The following RGS7 variants were observed in gnomAD, a reference collection of about 807,000 sequenced individuals.
RGS7 encodes regulator of G-protein signaling 7.
Under a neutral mutation model 81.1 loss-of-function variants are expected in RGS7, and 27 were observed. The ratio of observed to expected loss-of-function variants is 0.33; its 90% CI spans 0.25 to 0.46. The LOEUF is 0.46. Ranked by LOEUF, RGS7 falls within the 20% of genes least tolerant of loss-of-function variation. The probability of loss-of-function intolerance (pLI) is 1.00; values close to 1 mark genes in which losing one functional copy is unlikely to be tolerated. For synonymous variants in RGS7, 208 were observed against 207.7 expected, an observed-to-expected ratio of 1.00 and a Z score of -0.01; for missense variants, 396 against 607.4, an observed-to-expected ratio of 0.65 and a Z score of 3.66.
At chr1:241,045,893 G>T (rs1472301925) in intron 3 of RGS7, among the ~76,000 whole-genome samples, 1 of 152,134 alleles carries the variant, frequency 6.6e-6, no homozygotes, top group Non-Finnish European at 1.5e-5. Flanking sequence ...CTATTCAGGG[G>T]ATTCCTCTCT....
At chr1:241,007,286 G>C (rs949316896) in intron 3 of RGS7, among the ~76,000 whole-genome samples, 11 of 151,966 alleles carry the variant, frequency 7.2e-5, no homozygotes, top group African/African-American at 2.7e-4. Flanking sequence ...ACACATTATC[G>C]TAAGAACACA....
intron 2 of RGS7, among the ~76,000 whole-genome samples, chr1:241,288,629 T>C (rs1236959326): frequency 1.3e-5 from 2 of 152,166 alleles, no homozygotes; most frequent in Non-Finnish European, 1.5e-5. Flanking sequence ...AGCCCACGGT[T>C]ATCTGTCTGG....
chr1:241,224,063 A>AATAT lies in RGS7; in HGVS notation c.79-125305_79-125302dup, dbSNP rs33967533. Among the ~76,000 whole-genome samples the AATAT allele has an allele frequency of 5.3e-3, 781 of 147,030 alleles. 6 individuals are homozygous for AATAT. The highest frequency in any genetic ancestry group is 0.016 in the African/African-American group (664 of 40,348). On this transcript the variant is annotated intron_variant, in intron 2 of 18. Transcript: ENST00000440928. ...TCTAATGACTGGTTGACTGGTGACC[A>AATAT]ATATATATATATATACCATATATAT...
At chr1:241,091,500 A>G (rs992075817) in intron 3 of RGS7, among the ~76,000 whole-genome samples, 5 of 151,536 alleles carry the variant, frequency 3.3e-5, no homozygotes, top group East Asian at 3.9e-4. Flanking sequence ...GTGAGCTGAG[A>G]TCACGCCACT....
chr1:241,217,016 T>A (rs1271154226), intron 2 of RGS7, among the ~76,000 whole-genome samples: 2 of 152,230 alleles, frequency 1.3e-5, no homozygotes, highest in Non-Finnish European at 1.5e-5. Context: ...TGTTGTAGAA[T>A]GAACATTTGT....
At chr1:241,346,752 A>T (rs941758098) in intron 2 of RGS7, among the ~76,000 whole-genome samples, 2 of 152,198 alleles carry the variant, frequency 1.3e-5, no homozygotes, top group African/African-American at 4.8e-5. Flanking sequence ...ATTTTAAAGA[A>T]AACAAGTCAT....
At chr1:241,157,789 CATAA>C (rs888735104) in intron 2 of RGS7, among the ~76,000 whole-genome samples, 1 of 150,654 alleles carries the variant, frequency 6.6e-6, no homozygotes, top group African/African-American at 2.4e-5. Flanking sequence ...TTGTAGTGTC[CATAA>C]ATAAACTTTT....
intron 2 of RGS7, among the ~76,000 whole-genome samples, chr1:241,328,223 G>C (rs1222992780): frequency 6.6e-6 from 1 of 152,186 alleles, no homozygotes; most frequent in Admixed American, 6.5e-5. Context: ...TATGTGGTAA[G>C]GGATTGTATT....
At chr1:240,825,089 G>A (rs7521765) in intron 10 of RGS7, among the ~76,000 whole-genome samples, 134,341 of 152,198 alleles carry the variant, frequency 0.88, 59,553 homozygotes, top group African/African-American at 0.95. Context: ...CAGACTACAT[G>A]AAGCTTAACA....
At chr1:240,797,484 T>C (rs1182464775) in intron 18 of RGS7, among the ~76,000 whole-genome samples, 1 of 152,190 alleles carries the variant, frequency 6.6e-6, no homozygotes, top group East Asian at 1.9e-4. Context: ...CCCAAGTAGC[T>C]GGGATTACAG....
chr1:241,266,925 A>C (rs1265991106), intron 2 of RGS7, among the ~76,000 whole-genome samples: 2 of 152,230 alleles, frequency 1.3e-5, no homozygotes, highest in East Asian at 3.8e-4. Context: ...TTACAAGACC[A>C]ATCCTATAAT....
chr1:241,323,740 G>C (rs1053869581), intron 2 of RGS7, among the ~76,000 whole-genome samples: 2 of 152,188 alleles, frequency 1.3e-5, no homozygotes, highest in Non-Finnish European at 2.9e-5. Flanking sequence ...CTGAGGTTCT[G>C]ATTCCAGTCA....
intron 2 of RGS7, among the ~76,000 whole-genome samples, chr1:241,217,591 T>C (rs1174354701): frequency 6.6e-6 from 1 of 152,174 alleles, no homozygotes. Flanking sequence ...GAAAATCCAC[T>C]GTGCCAACAA....
At chr1:240,990,303 G>A (rs1277100878) in intron 3 of RGS7, among the ~76,000 whole-genome samples, 2 of 152,110 alleles carry the variant, frequency 1.3e-5, no homozygotes, top group Non-Finnish European at 2.9e-5. Flanking sequence ...AAAAAATGCA[G>A]AAAAGAGAGG....
chr1:240,787,549 TCCTC>T (rs975973960), intron 18 of RGS7, among the ~76,000 whole-genome samples: 2 of 152,162 alleles, frequency 1.3e-5, no homozygotes, highest in Admixed American at 6.5e-5. Flanking sequence ...AATTCTGTCT[TCCTC>T]CCTGTTCCTT....
rs867301096 is a variant in RGS7 at position 240,780,662 on chromosome 1, T to C, written c.*7-4449A>G. ...CGGGCGCGGTGGCTGACGCCTGTAA[T>C]CTCAGCACTTTGGGAGAGCAAGGCA... is the stretch of plus-strand genomic sequence containing the variant. On this transcript the variant is annotated intron_variant, in intron 18 of 18. Transcript: ENST00000440928. 2.6e-4 allele frequency among the ~76,000 whole-genome samples: 39 copies of C among 152,072 alleles called. No homozygotes were observed. In the Middle Eastern group the frequency reaches 0.021, roughly 80 times the overall value.
intron 18 of RGS7, among the ~76,000 whole-genome samples, chr1:240,795,308 T>C (rs1686853732): frequency 6.6e-6 from 1 of 152,062 alleles, no homozygotes; most frequent in African/African-American, 2.4e-5. Flanking sequence ...AAAAACAATA[T>C]GTTTCCCGGA....
Position 241,224,172 on chromosome 1 carries a change from G to A in RGS7, c.79-125410C>T, listed in dbSNP as rs112608850. ...GCAGTTTTGTTACATAGTTATACAC[G>A]TGCCTTGGTGGTTTGCTACACCCAT... On this transcript the variant is annotated intron_variant, in intron 2 of 18. Coordinates refer to ENST00000440928, the MANE Select transcript of RGS7 (RefSeq NM_001364886.1). Among the ~76,000 whole-genome samples, 825 of 151,762 alleles carry A rather than the reference G, an allele frequency of 5.4e-3. 2 individuals carry two copies. The highest frequency in any genetic ancestry group is 0.034 in the Middle Eastern group (10 of 290).
chr1:241,321,666 T>C (rs1319550385), intron 2 of RGS7, among the ~76,000 whole-genome samples: 2 of 152,222 alleles, frequency 1.3e-5, no homozygotes, highest in Non-Finnish European at 2.9e-5. Flanking sequence ...TTAAGACATA[T>C]GTTATATATT....
Sources: gnomAD v4.1 joint callset for allele counts (sites outside exome capture counted in the v4.1 genomes callset) on GRCh38, gnomAD v4.1.1 for gene constraint, MANE v1.5 for transcripts, NCBI Gene and HGNC (gene_info 2026-07-23, HGNC 2026-07-21) for gene names.